SLC38A8: variants seen among roughly 807,000 people sequenced by gnomAD.
SLC38A8 encodes solute carrier family 38 member 8.
In SLC38A8, 65 loss-of-function variants were observed where a neutral mutation model predicts 46.0. That is an observed-to-expected ratio of 1.41 (90% CI 1.16 to 1.74). The LOEUF (loss-of-function observed/expected upper bound fraction) is 1.74, where lower values mean the gene tolerates loss of function less well. Ranked by LOEUF, SLC38A8 falls within the 40% of genes most tolerant of loss-of-function variation. SLC38A8 has a pLI of 0.00. For missense variants in SLC38A8, 998 were observed against 567.9 expected (o/e 1.76, Z -7.70); for synonymous variants, 447 against 243.7 (o/e 1.83, Z -7.77).
chr16:84,033,156 A>C (rs888810628), intron 4 of SLC38A8, among the ~76,000 whole-genome samples, 172 bp downstream of exon 4: 1 of 152,172 alleles, frequency 6.6e-6, no homozygotes, highest in Non-Finnish European at 1.5e-5. Flanking sequence ...CTTTAGGCTC[A>C]TCTATGTTTT....
chr16:84,011,869 G>A (rs755120683), intron 10 of SLC38A8, among the ~76,000 whole-genome samples: 61 of 152,290 alleles, frequency 4.0e-4, no homozygotes, highest in South Asian at 2.1e-4. Flanking sequence ...GAGCAACAGA[G>A]CAAGACTCTG....
At chr16:84,043,081 C>T (rs1427753138), upstream of SLC38A8, among the ~76,000 whole-genome samples, 1 of 152,206 alleles carries the variant, frequency 6.6e-6, no homozygotes, top group Non-Finnish European at 1.5e-5. Flanking sequence ...CTCCACCGTC[C>T]GCAGGTGCTG....
chr16:84,014,613 A>C (rs1261887643), intron 9 of SLC38A8, among the ~76,000 whole-genome samples: 3 of 152,198 alleles, frequency 2.0e-5, no homozygotes, highest in South Asian at 4.1e-4. Flanking sequence ...CACCTCTGAG[A>C]GCTCTGGGCA....
Position 84,037,241 on chromosome 16 carries a change from G to A in SLC38A8, c.190-341C>T, listed in dbSNP as rs1185151414. Among the ~76,000 whole-genome samples the A allele has an allele frequency of 3.3e-5, 5 of 152,364 alleles. No individual in the cohort carries two copies. In the East Asian group the frequency reaches 5.8e-4, roughly 18 times the overall value. Reference sequence around the variant, plus strand: ...TCCTAAAATCGCCTGGGCTGTGGGTGGAGAGGCAGTAGGCGTGGTGGCTTG... The same window carrying A: ...TCCTAAAATCGCCTGGGCTGTGGGTAGAGAGGCAGTAGGCGTGGTGGCTTG... On this transcript the variant is annotated intron_variant, in intron 2 of 10. Coordinates refer to ENST00000299709, the MANE Select transcript of SLC38A8 (RefSeq NM_001080442.3).
At chr16:84,010,371 G>C (rs9673442) in intron 10 of SLC38A8, among the ~76,000 whole-genome samples, 101,748 of 151,906 alleles carry the variant, frequency 0.67, 35,799 homozygotes, top group African/African-American at 0.89. Flanking sequence ...GTTGCTGGCC[G>C]CAAGCAGTTT....
intron 6 of SLC38A8, among the ~76,000 whole-genome samples, chr16:84,028,248 G>A (rs533913317): frequency 5.3e-5 from 8 of 152,202 alleles, no homozygotes; most frequent in African/African-American, 1.9e-4. Context: ...GCAGTGGATA[G>A]GTGGTTGTTT....
intron 4 of SLC38A8, among the ~76,000 whole-genome samples, chr16:84,032,451 T>C (rs1472445263): frequency 6.6e-6 from 1 of 152,242 alleles, no homozygotes; most frequent in Non-Finnish European, 1.5e-5. Flanking sequence ...CCTCCCAAAG[T>C]GCTGGAATTA....
intron 4 of SLC38A8, 85 bp from the exon 5 acceptor site, chr16:84,032,053 G>A: frequency 1.7e-6 from 2 of 1,173,858 alleles, no homozygotes; most frequent in East Asian, 2.4e-5. Flanking sequence ...CTGAATCCCA[G>A]CTCCGCCCTT....
chr16:84,043,297 G>T (rs1341123591), upstream of SLC38A8, among the ~76,000 whole-genome samples: 1 of 152,186 alleles, frequency 6.6e-6, no homozygotes, highest in East Asian at 1.9e-4. Context: ...ATCGGAGACG[G>T]CCCCATTCCG....
intron 4 of SLC38A8, 111 bp downstream of exon 4, chr16:84,033,217 T>C (rs925712082): frequency 4.1e-6 from 6 of 1,455,340 alleles, no homozygotes; most frequent in Non-Finnish European, 5.6e-6. Flanking sequence ...TTTCCCCTTC[T>C]CCAAATGTGA....
At chr16:84,021,167 A>C (rs2085090333) in intron 7 of SLC38A8, among the ~76,000 whole-genome samples, 1 of 152,074 alleles carries the variant, frequency 6.6e-6, no homozygotes, top group African/African-American at 2.4e-5. Flanking sequence ...GGTTCAATTG[A>C]TACTCCTGCC....
At chr16:84,015,963 G>A (rs1003015503) in intron 9 of SLC38A8, among the ~76,000 whole-genome samples, 1 of 152,258 alleles carries the variant, frequency 6.6e-6, no homozygotes, top group Admixed American at 6.5e-5. Flanking sequence ...ACAGGCGTGA[G>A]CCACTGTGCC....
Position 84,036,711 on chromosome 16 carries a change from G to C in SLC38A8, c.379C>G (p.Leu127Val), listed in dbSNP as rs143744662. 25 of 1,614,048 alleles carry C rather than the reference G, an allele frequency of 1.5e-5. No homozygotes were observed. The highest frequency in any genetic ancestry group is 2.1e-5 in the Non-Finnish European group (25 of 1,180,038). Residue 127 changes from leucine (L) to valine (V), a missense_variant, in exon 3 of 11, where the codon CTG becomes GTG. By Grantham distance (32) the Leu-to-Val change is conservative. Coordinates refer to ENST00000299709, the MANE Select transcript of SLC38A8 (RefSeq NM_001080442.3). ...VAFLRVIGDQ[L>V]EKLCDSLLSG... ...CCATGAAGGTACTTACGCTTCTCCAGCTGGTCCCCGATCACCCTGAGGAAG... is the reference window on the plus strand; with the variant it reads ...CCATGAAGGTACTTACGCTTCTCCACCTGGTCCCCGATCACCCTGAGGAAG...
At chr16:84,023,289 C>A (rs2085117225) in intron 6 of SLC38A8, among the ~76,000 whole-genome samples, 1 of 152,090 alleles carries the variant, frequency 6.6e-6, no homozygotes, top group Admixed American at 6.5e-5. Flanking sequence ...CAACCCCAGC[C>A]AATGGGAAAA....
intron 10 of SLC38A8, among the ~76,000 whole-genome samples, chr16:84,012,202 C>A (rs2084962755): frequency 6.6e-6 from 1 of 152,198 alleles, no homozygotes; most frequent in East Asian, 1.9e-4. Context: ...TCAGTTTCCC[C>A]ATCTATGGGA....
intron 6 of SLC38A8, among the ~76,000 whole-genome samples, chr16:84,027,103 G>A (rs1210188873): frequency 6.6e-6 from 1 of 152,194 alleles, no homozygotes; most frequent in East Asian, 1.9e-4. Context: ...TGTAATCCCA[G>A]CACTTTGGGA....
At chr16:84,014,179 G>C (rs1477763830) in intron 9 of SLC38A8, among the ~76,000 whole-genome samples, 1 of 150,534 alleles carries the variant, frequency 6.6e-6, no homozygotes, top group Non-Finnish European at 1.5e-5. Context: ...ACCTCTGAAA[G>C]CCCCGCCCAG....
intron 10 of SLC38A8, among the ~76,000 whole-genome samples, chr16:84,011,610 G>A (rs758855508): frequency 8.5e-5 from 13 of 152,240 alleles, no homozygotes; most frequent in Non-Finnish European, 1.9e-4. Context: ...CCTGGAACCT[G>A]TGCTTGCCAG....
At chr16:84,038,234 C>T (rs987762918) in intron 2 of SLC38A8, among the ~76,000 whole-genome samples, 1 of 151,954 alleles carries the variant, frequency 6.6e-6, no homozygotes, top group African/African-American at 2.4e-5. Flanking sequence ...TCACTTGAAC[C>T]CAAGAGGCGG....
Sources: allele counts gnomAD v4.1 joint callset (sites outside exome capture counted in the v4.1 genomes callset), GRCh38; gene constraint gnomAD v4.1.1; transcripts MANE v1.5; gene names NCBI Gene and HGNC (gene_info 2026-07-23, HGNC 2026-07-21).